ZNF140: variants seen among roughly 807,000 people sequenced by gnomAD.
The protein encoded by ZNF140 is zinc finger protein 140.
ZNF140 carries 13 observed loss-of-function variants against 12.9 expected under a neutral mutation model. The observed-to-expected ratio is 1.01, with a 90% CI of 0.66 to 1.60. ZNF140 has a LOEUF of 1.60. Among genes scored for constraint, ZNF140 ranks in the 40% most tolerant of loss-of-function variants. The pLI, the probability that ZNF140 is intolerant of heterozygous loss-of-function variation, is 0.00. For synonymous variants in ZNF140, 214 were observed against 186.7 expected (o/e 1.15, Z -1.19); for missense variants, 531 against 548.8 (o/e 0.97, Z 0.32).
chr12:133,080,631 G>A (rs1954435304), upstream of ZNF140: 1 of 152,478 alleles, frequency 6.6e-6, no homozygotes, highest in South Asian at 2.1e-4. Context: ...TTGTTTCTCG[G>A]CTCTGGGCGT....
chr12:133,088,625 G>A (rs1954760403), intron 4 of ZNF140, among the ~76,000 whole-genome samples: 2 of 152,214 alleles, frequency 1.3e-5, no homozygotes, highest in African/African-American at 4.8e-5. Context: ...ACCAAGGAGT[G>A]TGACTGCTGG....
chr12:133,103,478 G>A (rs11610582), intron 4 of ZNF140, among the ~76,000 whole-genome samples: 73,049 of 146,876 alleles, frequency 0.5, 18,381 homozygotes, highest in Non-Finnish European at 0.56. Context: ...TTGTCACTAT[G>A]TTGTTTAGGC....
At chr12:133,081,516 C>T in intron 2 of ZNF140, 187 bp downstream of exon 2, 1 of 458,196 alleles carries the variant, frequency 2.2e-6, no homozygotes, top group Non-Finnish European at 4.4e-6. Flanking sequence ...TTGTGAAGTG[C>T]AGCCGTGTTT....
chr12:133,098,525 C>T (rs1383209737), intron 4 of ZNF140, among the ~76,000 whole-genome samples: 2 of 152,178 alleles, frequency 1.3e-5, no homozygotes, highest in Non-Finnish European at 2.9e-5. Context: ...CAGGCATGAG[C>T]CACTATGCCC....
intron 3 of ZNF140, 28 bp from the exon 4 acceptor site, chr12:133,083,438 T>G: frequency 6.2e-7 from 1 of 1,600,560 alleles, no homozygotes. Context: ...ATGACTGATC[T>G]TGAATTTATT....
Position 133,080,997 on chromosome 12 carries a change from G to C in ZNF140, c.-124G>C, listed in dbSNP as rs1252859383. 1 of 168,256 alleles carries C rather than the reference G, an allele frequency of 5.9e-6. No individual in the cohort carries two copies. The allele number at this position is 168,256 out of a possible 1,614,324, so 10.4% of individuals were successfully genotyped here. A position where few individuals can be genotyped will look rare whatever the true frequency, so the allele number is the denominator to read the frequency against. On this transcript the variant is annotated 5_prime_UTR_variant, in exon 1 of 5. Coordinates refer to ENST00000355557, the MANE Select transcript of ZNF140 (RefSeq NM_003440.4). ...GCCGGATGGCCCCGGGCGGTGACTC[G>C]GTCCGGAGCCCTGGAACGCTACGCC...
intron 4 of ZNF140, chr12:133,093,641 G>T (rs1954971435): frequency 3.4e-6 from 2 of 593,892 alleles, no homozygotes; most frequent in Non-Finnish European, 6.0e-6. Context: ...CCTCATGTGG[G>T]CTGTTCTTTT....
chr12:133,097,642 CAAA>C (rs373060839), intron 4 of ZNF140, among the ~76,000 whole-genome samples: 5 of 133,348 alleles, frequency 3.7e-5, no homozygotes, highest in Admixed American at 7.8e-5. Context: ...GACTCTGTCT[CAAA>C]AAAAAAAAAA....
chr12:133,090,806 G>C (rs367559322), intron 4 of ZNF140, among the ~76,000 whole-genome samples: 2 of 134,274 alleles, frequency 1.5e-5, no homozygotes, highest in Admixed American at 7.6e-5. Context: ...GTGAGCAAAA[G>C]AATCTATATC....
At chr12:133,100,152 C>T (rs1201213048) in intron 4 of ZNF140, among the ~76,000 whole-genome samples, 1 of 140,552 alleles carries the variant, frequency 7.1e-6, no homozygotes, top group African/African-American at 2.8e-5. Context: ...AAATTTAATG[C>T]CTTTTCCGTT....
In ZNF140 at chr12:133,083,538, A is replaced by T; in HGVS notation, c.209A>T (p.Glu70Val). Residue 70 changes from glutamate (E) to valine (V), a missense_variant, in exon 4 of 5, where the codon GAA becomes GTA. Physicochemically the swap from Glu to Val is moderately radical, Grantham distance 121. Coordinates refer to ENST00000355557, the MANE Select transcript of ZNF140 (RefSeq NM_003440.4). Reference protein sequence around the residue: ...QGKEPWLGKREVKRDLFSVSE... With the variant: ...QGKEPWLGKRVVKRDLFSVSE... Reference sequence around the variant, plus strand: ...AAAGAACCCTGGCTGGGGAAAAGGGAAGTGAAAAGAGATCTGTTTTCAGGT... The same window carrying T: ...AAAGAACCCTGGCTGGGGAAAAGGGTAGTGAAAAGAGATCTGTTTTCAGGT... 6.2e-7 allele frequency: 1 copy of T among 1,614,122 alleles called. No individual in the cohort carries two copies. Among genetic ancestry groups the T allele is most frequent in the South Asian group, 1.1e-5 (1 of 91,078 alleles).
chr12:133,093,358 C>T, intron 4 of ZNF140: 1 of 682,762 alleles, frequency 1.5e-6, no homozygotes, highest in Non-Finnish European at 2.7e-6. Flanking sequence ...TTGATACAAT[C>T]ATTAAAGCTG....
chr12:133,104,080 C>G (rs1353744790), intron 4 of ZNF140, among the ~76,000 whole-genome samples: 1 of 152,114 alleles, frequency 6.6e-6, no homozygotes, highest in Non-Finnish European at 1.5e-5. Context: ...ACTGTGAGAG[C>G]AATAACAGAT....
At chr12:133,090,661 C>T (rs1348634154) in intron 4 of ZNF140, among the ~76,000 whole-genome samples, 1 of 43,478 alleles carries the variant, frequency 2.3e-5, no homozygotes, top group Non-Finnish European at 5.8e-5. Flanking sequence ...GGGACCAGCA[C>T]TCAGCATACC....
At chr12:133,083,374 G>C in intron 3 of ZNF140, 92 bp from the exon 4 acceptor site, 1 of 1,512,472 alleles carries the variant, frequency 6.6e-7, no homozygotes, top group Non-Finnish European at 8.9e-7. Context: ...CTTATTTTTA[G>C]ACATTTTAAA....
At chr12:133,095,472 T>C (rs907590378) in intron 4 of ZNF140, among the ~76,000 whole-genome samples, 2 of 150,780 alleles carry the variant, frequency 1.3e-5, no homozygotes, top group Non-Finnish European at 2.9e-5. Context: ...GGGCGCCAGA[T>C]GAAGGGGTGG....
chr12:133,105,028 T>C (rs988400010), intron 4 of ZNF140, among the ~76,000 whole-genome samples: 1 of 152,056 alleles, frequency 6.6e-6, no homozygotes, highest in Non-Finnish European at 1.5e-5. Context: ...GAAGGTAGAG[T>C]TGGAGGATCA....
At chr12:133,099,646 A>G (rs1955265131) in intron 4 of ZNF140, among the ~76,000 whole-genome samples, 1 of 151,870 alleles carries the variant, frequency 6.6e-6, no homozygotes, top group African/African-American at 2.4e-5. Flanking sequence ...TAATCCCAAC[A>G]CTCTTCTGTA....
intron 4 of ZNF140, among the ~76,000 whole-genome samples, chr12:133,090,632 G>A (rs945629058): frequency 3.7e-5 from 5 of 136,776 alleles, no homozygotes; most frequent in Admixed American, 1.5e-4. Flanking sequence ...AAAGTATAGA[G>A]AAACAACAGT....
Sources: allele counts gnomAD v4.1 joint callset (sites outside exome capture counted in the v4.1 genomes callset), GRCh38; gene constraint gnomAD v4.1.1; transcripts MANE v1.5; gene names NCBI Gene and HGNC (gene_info 2026-07-23, HGNC 2026-07-21).